Variants in ZNF525 observed in about 807,000 individuals in gnomAD.
The protein encoded by ZNF525 is zinc finger protein 525.
In ZNF525, 33 loss-of-function variants were observed where a neutral mutation model predicts 37.6. The ratio of observed to expected loss-of-function variants is 0.88; its 90% confidence interval spans 0.67 to 1.17. The LOEUF (loss-of-function observed/expected upper bound fraction) is 1.17, where lower values mean the gene tolerates loss of function less well. ZNF525 is among the 50% of genes most tolerant of loss of function. ZNF525 has a pLI of 0.00. For missense variants in ZNF525, 449 were observed against 543.1 expected, an observed-to-expected ratio of 0.83 and a Z score of 1.72; for synonymous variants, 170 against 182.3, an observed-to-expected ratio of 0.93 and a Z score of 0.54.
chr19:53,382,056 A>G lies in ZNF525; in HGVS notation c.*37A>G. Reference sequence around the variant, plus strand: ...ACGTCAGAAAATTCATACTGGAGAGAAATGTTATAAGTGTAATGATTGTGG... The same window carrying G: ...ACGTCAGAAAATTCATACTGGAGAGGAATGTTATAAGTGTAATGATTGTGG... On this transcript the variant is annotated 3_prime_UTR_variant, in exon 4 of 4. Transcript: ENST00000474037. 7.1e-7 allele frequency: 1 copy of G among 1,400,020 alleles called. No homozygotes were observed. The highest frequency in any genetic ancestry group is 1.0e-6 in the Non-Finnish European group (1 of 999,974). The allele number at this position is 1,400,020 out of a possible 1,614,324, so 86.7% of individuals were successfully genotyped here.
intron 3 of ZNF525, among the ~76,000 whole-genome samples, chr19:53,377,402 C>G (rs1364431811): frequency 6.6e-6 from 1 of 152,070 alleles, no homozygotes; most frequent in Non-Finnish European, 1.5e-5. Context: ...TCTTGAACTC[C>G]CGCCCTCAGG....
At chr19:53,373,872 T>G (rs2147067517) in intron 2 of ZNF525, among the ~76,000 whole-genome samples, 1 of 152,264 alleles carries the variant, frequency 6.6e-6, no homozygotes, top group Admixed American at 6.5e-5. Context: ...GGTTTGGGGC[T>G]GCATGTGCAG....
chr19:53,369,341 C>G (rs1165722727), intron 1 of ZNF525, among the ~76,000 whole-genome samples: 11 of 152,012 alleles, frequency 7.2e-5, no homozygotes, highest in Admixed American at 7.2e-4. Flanking sequence ...CTCCCAGGTT[C>G]AAGTGATCCT....
Position 53,372,420 on chromosome 19 carries a change from T to C in ZNF525, c.15+124T>C, listed in dbSNP as rs556056058. On this transcript the variant is annotated intron_variant, in intron 2 of 3. Coordinates refer to ENST00000474037, the MANE Select transcript of ZNF525 (RefSeq NM_001348156.2). The stretch of plus-strand genomic sequence containing the variant: ...AGGTTTGCTCACATTCACCCATGCC[T>C]TCCCTCAGTCCCTCTCATCTCACTT... 273 of 748,726 alleles carry C rather than the reference T, an allele frequency of 3.6e-4. 1 individual carries two copies. The East Asian group carries it at 5.9e-3, about 16-fold the overall frequency. The allele number at this position is 748,726 out of a possible 1,614,324, so 46.4% of individuals were successfully genotyped here. A position where few individuals can be genotyped will look rare whatever the true frequency, so the allele number is the denominator to read the frequency against.
chr19:53,370,122 C>T (rs563521435), intron 1 of ZNF525, among the ~76,000 whole-genome samples: 17 of 151,092 alleles, frequency 1.1e-4, no homozygotes, highest in Non-Finnish European at 2.5e-4. Flanking sequence ...TCCAGGCCCC[C>T]ATGTAATAAT....
rs45625239 is a variant in ZNF525 at position 53,381,350 on chromosome 19, C to G, written c.771C>G (p.Tyr257Ter). 4,652 of 1,591,280 alleles carry G rather than the reference C, an allele frequency of 2.9e-3. 11 individuals are homozygous for G. Among genetic ancestry groups the G allele is most frequent in the Non-Finnish European group, 3.7e-3 (4,316 of 1,159,196 alleles). The change falls in exon 4 of 4, where the codon TAC (tyrosine) becomes TAG (stop). Residue 257 changes from tyrosine to a stop codon, truncating the protein, a stop_gained. Transcript: ENST00000474037. LOFTEE classifies it high-confidence loss of function. ...VCDKVFIRKR[Y>*]LARHRRCHTG... is the part of the protein sequence containing the mutation. ...ACAAGGTCTTTATTCGGAAGCGATA[C>G]CTTGCACGCCATCGTAGATGTCACA...
At position 53,386,349 on chromosome 19, in the gene ZNF525, CA is replaced by C; in HGVS notation, c.*4334del. 1.2e-6 allele frequency: 1 copy of C among 823,234 alleles called. No individual in the cohort carries two copies. The highest frequency in any genetic ancestry group is 2.1e-6 in the Non-Finnish European group (1 of 485,796). 51.0% of individuals were successfully genotyped at this position (823,234 alleles called of 1,614,324 possible). A position where few individuals can be genotyped will look rare whatever the true frequency, so the allele number is the denominator to read the frequency against. ...CTGGTAATAAAATCAGGTACGACTC[CA>C]AAAGGAGACATTGGAGAAGAACCAA... is the stretch of plus-strand genomic sequence containing the variant. On this transcript the variant is annotated 3_prime_UTR_variant, in exon 4 of 4. Transcript: ENST00000474037.
Position 53,381,509 on chromosome 19 carries a change from C to A in ZNF525, c.930C>A (p.His310Gln). Residue 310 changes from histidine (H) to glutamine (Q), a missense_variant, in exon 4 of 4, where the codon CAC (histidine) becomes CAA (glutamine). Around this residue, in one of 2 missense-constraint regions of ZNF525, gnomAD observed 178 missense variants for 161.5 expected, o/e 1.10. Transcript: ENST00000474037. ...KCEECDKAFR[H>Q]NSALQRHRRI... ...AAGAATGTGACAAAGCTTTCAGACACAATTCAGCCCTTCAAAGACATAGGA... is the reference window on the plus strand; with the variant it reads ...AAGAATGTGACAAAGCTTTCAGACAAAATTCAGCCCTTCAAAGACATAGGA... 1 of 1,305,402 alleles carries A rather than the reference C, an allele frequency of 7.7e-7. No homozygotes were observed. Among genetic ancestry groups the A allele is most frequent in the African/African-American group, 1.4e-5 (1 of 69,046 alleles). The allele number at this position is 1,305,402 out of a possible 1,614,324, so 80.9% of individuals were successfully genotyped here.
chr19:53,380,943 A>G lies in ZNF525; in HGVS notation c.364A>G (p.Ser122Gly). 1 of 1,549,180 alleles carries G rather than the reference A, an allele frequency of 6.5e-7. No individual in the cohort carries two copies. ...PMTKIKKLMG[S>G]TEQYDHRHAG... ...GACAAAAATCAAAAAATTGATGGGT[A>G]GTACAGAGCAATATGATCACAGGCA... The change falls in exon 4 of 4, where the codon AGT becomes GGT. Residue 122 changes from serine (S) to glycine (G), a missense_variant. By Grantham distance (56) the Ser-to-Gly change is moderately conservative (BLOSUM62 0). Transcript: ENST00000474037.
rs1371454092 is a variant in ZNF525 at position 53,383,912 on chromosome 19, C to T, written c.*1893C>T. ...AGAGAAACCTCACAAGTGTGATGAT[C>T]GTGGCAAAGCCTTTACTTCACATTC... On this transcript the variant is annotated 3_prime_UTR_variant, in exon 4 of 4. Coordinates refer to ENST00000474037, the MANE Select transcript of ZNF525 (RefSeq NM_001348156.2). 9 of 661,528 alleles carry T rather than the reference C, an allele frequency of 1.4e-5. No individual in the cohort carries two copies. The highest frequency in any genetic ancestry group is 7.1e-5 in the South Asian group (5 of 70,136). 41.0% of individuals were successfully genotyped at this position (661,528 alleles called of 1,614,324 possible). A position where few individuals can be genotyped will look rare whatever the true frequency, so the allele number is the denominator to read the frequency against.
At position 53,381,465 on chromosome 19, in the gene ZNF525, G is replaced by A. The variant is rs934438786; in HGVS notation, c.886G>A (p.Glu296Lys). The change falls in exon 4 of 4, where the codon GAG (glutamate) becomes AAG (lysine). Residue 296 changes from glutamate (E) to lysine (K), a missense_variant. Transcript: ENST00000474037. ...ATATCATCATCGACTTCATACTGGAGAGAAACCTTACAAATGTGAAGAATG... is the reference window on the plus strand; with the variant it reads ...ATATCATCATCGACTTCATACTGGAAAGAAACCTTACAAATGTGAAGAATG... The part of the protein sequence containing the change: ...LTYHHRLHTG[E>K]KPYKCEECDK... The A allele has an allele frequency of 2.8e-6, 4 of 1,443,036 alleles. No homozygotes were observed. The South Asian group carries it at 4.6e-5, about 16-fold the overall frequency. 89.4% of individuals were successfully genotyped at this position (1,443,036 alleles called of 1,614,324 possible).
rs2085579917 is a variant in ZNF525 at position 53,383,144 on chromosome 19, A to C, written c.*1125A>C. 1 of 1,335,864 alleles carries C rather than the reference A, an allele frequency of 7.5e-7. No individual in the cohort carries two copies. The highest frequency in any genetic ancestry group is 1.8e-5 in the Admixed American group (1 of 56,878). 82.8% of individuals were successfully genotyped at this position (1,335,864 alleles called of 1,614,324 possible). On this transcript the variant is annotated 3_prime_UTR_variant, in exon 4 of 4. Coordinates refer to ENST00000474037, the MANE Select transcript of ZNF525 (RefSeq NM_001348156.2). ...TCATCATAGAACTCATACTGGAGAG[A>C]AACATTACAAGTGTAATGAGTGTGG... is the stretch of plus-strand genomic sequence containing the variant.
In ZNF525 at chr19:53,380,913, C is replaced by CCCA. The variant is rs2085555221; in HGVS notation, c.335_337dup (p.Pro112_Met113insThr). The CCCA allele has an allele frequency of 6.7e-7, 1 of 1,497,906 alleles. No homozygotes were observed. The highest frequency in any genetic ancestry group is 1.4e-5 in the African/African-American group (1 of 72,448). 92.8% of individuals were successfully genotyped at this position (1,497,906 alleles called of 1,614,324 possible). A position where few individuals can be genotyped will look rare whatever the true frequency, so the allele number is the denominator to read the frequency against. On this transcript the variant is annotated inframe_insertion, in exon 4 of 4. Transcript: ENST00000474037. The stretch of plus-strand genomic sequence containing the variant: ...AGATGAAAGAAATGGCCATGAAGCA[C>CCCA]CCATGACAAAAATCAAAAAATTGAT...
At chr19:53,376,350 C>G (rs2085522353) in intron 3 of ZNF525, 2 of 702,392 alleles carry the variant, frequency 2.8e-6, no homozygotes, top group African/African-American at 3.5e-5. Flanking sequence ...CAGTCTTTGC[C>G]TTCTGAGTGC....
Position 53,381,441 on chromosome 19 carries a change from T to C in ZNF525, c.862T>C (p.Tyr288His). 1.3e-6 allele frequency: 2 copies of C among 1,515,010 alleles called. No homozygotes were observed. The highest frequency in any genetic ancestry group is 3.4e-4 in the Middle Eastern group (2 of 5,900). 93.8% of individuals were successfully genotyped at this position (1,515,010 alleles called of 1,614,324 possible). The change falls in exon 4 of 4, where the codon TAT becomes CAT. Residue 288 changes from tyrosine (Y) to histidine (H), a missense_variant. Transcript: ENST00000474037. The stretch of plus-strand genomic sequence containing the variant: ...CTTCAGTCAGATGTCATCCCTTACA[T>C]ATCATCATCGACTTCATACTGGAGA... ...KSFSQMSSLT[Y>H]HHRLHTGEKP... is the part of the protein sequence containing the mutation.
chr19:53,385,198 G>T lies in ZNF525; in HGVS notation c.*3179G>T. The T allele has an allele frequency of 2.0e-6, 1 of 488,402 alleles. No individual in the cohort carries two copies. Among genetic ancestry groups the T allele is most frequent in the Non-Finnish European group, 3.6e-6 (1 of 277,966 alleles). 30.3% of individuals were successfully genotyped at this position (488,402 alleles called of 1,614,324 possible). A position where few individuals can be genotyped will look rare whatever the true frequency, so the allele number is the denominator to read the frequency against. On this transcript the variant is annotated 3_prime_UTR_variant, in exon 4 of 4. Coordinates refer to ENST00000474037, the MANE Select transcript of ZNF525 (RefSeq NM_001348156.2). Reference sequence around the variant, plus strand: ...GACAAGGGATCTTCAAGAAGTTCTGGAAAAATACATATTATGAGAAAATTG... The same window carrying T: ...GACAAGGGATCTTCAAGAAGTTCTGTAAAAATACATATTATGAGAAAATTG...
rs540093013 is a variant in ZNF525, at chr19:53,376,076, G to A, written c.142+180G>A. The stretch of plus-strand genomic sequence containing the variant: ...GATTGTCCCACCTCAGCCTCCCCTC[G>A]TAGTGGTACAGGTGCATGCCACCAT... On this transcript the variant is annotated intron_variant, in intron 3 of 3. Transcript: ENST00000474037. 1.2e-5 allele frequency: 16 copies of A among 1,340,088 alleles called. No individual in the cohort carries two copies. The East Asian group carries it at 1.2e-4, about 10-fold the overall frequency. The allele number at this position is 1,340,088 out of a possible 1,614,324, so 83.0% of individuals were successfully genotyped here.
At position 53,383,891 on chromosome 19, in the gene ZNF525, A is replaced by G. The variant is rs896295467; in HGVS notation, c.*1872A>G. ...AAACAGGAGAATTCATACAGGAGAG[A>G]AACCTCACAAGTGTGATGATCGTGG... On this transcript the variant is annotated 3_prime_UTR_variant, in exon 4 of 4. Transcript: ENST00000474037. 6.2e-5 allele frequency: 39 copies of G among 625,264 alleles called. No individual in the cohort carries two copies. In the African/African-American group the frequency reaches 6.6e-4, roughly 11 times the overall value. 38.7% of individuals were successfully genotyped at this position (625,264 alleles called of 1,614,324 possible).
At chr19:53,366,722 C>T (rs28648839) in intron 1 of ZNF525, among the ~76,000 whole-genome samples, 2,109 of 150,298 alleles carry the variant, frequency 0.014, 55 homozygotes, top group African/African-American at 0.047. Flanking sequence ...CAGAGTGGTG[C>T]TGGTGGCAAA....
Sources: allele counts gnomAD v4.1 joint callset (sites outside exome capture counted in the v4.1 genomes callset), GRCh38; gene constraint gnomAD v4.1.1; regional missense constraint gnomAD v4.1.1; transcripts MANE v1.5; gene names NCBI Gene and HGNC (gene_info 2026-07-23, HGNC 2026-07-21).